Variants in PARN observed in about 807,000 individuals in gnomAD.
The protein encoded by PARN is poly(A)-specific ribonuclease.
In PARN, 71 loss-of-function variants were observed where a neutral mutation model predicts 102.8. The observed-to-expected ratio is 0.69, with a 90% confidence interval of 0.57 to 0.84. The LOEUF is 0.84. Among genes scored for constraint, PARN ranks in the 40% least tolerant of loss-of-function variants. The pLI is 0.00. For missense variants in PARN, 782 were observed against 760.9 expected, an observed-to-expected ratio of 1.03 and a Z score of -0.33; for synonymous variants, 261 against 252.9, an observed-to-expected ratio of 1.03 and a Z score of -0.30.
chr16:14,449,687 A>C (rs1021571088), intron 22 of PARN, among the ~76,000 whole-genome samples: 1 of 152,198 alleles, frequency 6.6e-6, no homozygotes, highest in Admixed American at 6.5e-5. Context: ...AAAACTAAAA[A>C]AGGTATGAAT....
chr16:14,468,878 AATAGATAGATAGATAGATAG>A (rs59011829), intron 22 of PARN, among the ~76,000 whole-genome samples: 40 of 139,618 alleles, frequency 2.9e-4, no homozygotes, highest in Non-Finnish European at 5.5e-4. Context: ...CCCATTACTA[AATAGATAGATAGATAGATAG>A]ATAGATAGAT....
intron 21 of PARN, chr16:14,501,603 T>C (rs115273400): frequency 1.8e-4 from 27 of 151,934 alleles, no homozygotes; most frequent in African/African-American, 6.3e-4. Context: ...TTCGGTAAAG[T>C]AGGTAGAAAC....
intron 18 of PARN, among the ~76,000 whole-genome samples, chr16:14,570,551 G>C (rs1469197197): frequency 6.6e-6 from 1 of 151,118 alleles, no homozygotes; most frequent in African/African-American, 2.4e-5. Flanking sequence ...TCAAGAGGCT[G>C]AGGTAGGAGG....
intron 23 of PARN, among the ~76,000 whole-genome samples, chr16:14,437,988 G>C (rs562133808): frequency 1.3e-5 from 2 of 152,324 alleles, no homozygotes; most frequent in East Asian, 3.9e-4. Context: ...AGGGTGAGGA[G>C]ACCGGGAAAG....
chr16:14,592,588 G>T (rs1970265018), intron 13 of PARN, among the ~76,000 whole-genome samples: 1 of 152,144 alleles, frequency 6.6e-6, no homozygotes, highest in Non-Finnish European at 1.5e-5. Flanking sequence ...ATGCACTACT[G>T]AGGTCAGCAG....
At chr16:14,480,056 G>C (rs1368822667) in intron 22 of PARN, among the ~76,000 whole-genome samples, 2 of 152,132 alleles carry the variant, frequency 1.3e-5, no homozygotes, top group African/African-American at 2.4e-5. Flanking sequence ...TATTTGGCTG[G>C]GTCTGGTGGC....
chr16:14,578,331 CAAAAAA>C (rs1199897215), intron 18 of PARN, among the ~76,000 whole-genome samples: 3 of 44,964 alleles, frequency 6.7e-5, no homozygotes, highest in South Asian at 8.2e-4. Context: ...TCTGTCTCAC[CAAAAAA>C]AAAAAAAAAA....
Position 14,436,752 on chromosome 16 carries a change from G to A in PARN, c.1885C>T (p.Pro629Ser), listed in dbSNP as rs1226742015. ...SPAGSISKNS[P>S]ATLFEVPDTW Reference sequence around the variant, plus strand: ...TCAGGAACTTCAAAGAGTGTGGCAGGGCTGTTCTTCGAGATGCTTCCTGGT... The same window carrying A: ...TCAGGAACTTCAAAGAGTGTGGCAGAGCTGTTCTTCGAGATGCTTCCTGGT... The change falls in exon 24 of 24, where the codon CCT becomes TCT. Residue 629 changes from proline (P) to serine (S), a missense_variant. Coordinates refer to ENST00000437198, the MANE Select transcript of PARN (RefSeq NM_002582.4). 6.3e-7 allele frequency: 1 copy of A among 1,596,936 alleles called. No homozygotes were observed. The highest frequency in any genetic ancestry group is 1.1e-5 in the South Asian group (1 of 87,784).
intron 21 of PARN, among the ~76,000 whole-genome samples, chr16:14,529,098 G>C (rs1271887538): frequency 6.6e-6 from 1 of 152,176 alleles, no homozygotes; most frequent in East Asian, 1.9e-4. Context: ...TTCACCGTGA[G>C]TGCAAAGGTG....
At chr16:14,521,574 G>A (rs543967362) in intron 21 of PARN, among the ~76,000 whole-genome samples, 305 of 152,214 alleles carry the variant, frequency 2.0e-3, no homozygotes, top group Non-Finnish European at 3.7e-3. Context: ...TGCGGCGGGC[G>A]GATCACCTGA....
intron 21 of PARN, among the ~76,000 whole-genome samples, chr16:14,519,132 G>C (rs1194515143): frequency 6.6e-6 from 1 of 151,748 alleles, no homozygotes; most frequent in Non-Finnish European, 1.5e-5. Flanking sequence ...CAGGATTCTT[G>C]CTATGAGAGA....
At chr16:14,439,202 C>T (rs1159919641) in intron 23 of PARN, among the ~76,000 whole-genome samples, 1 of 151,856 alleles carries the variant, frequency 6.6e-6, no homozygotes, top group Non-Finnish European at 1.5e-5. Context: ...GGAGACCCTG[C>T]CTCTACAAAA....
chr16:14,479,704 T>C (rs142457807), intron 22 of PARN, among the ~76,000 whole-genome samples: 13 of 152,190 alleles, frequency 8.5e-5, no homozygotes, highest in Non-Finnish European at 1.5e-4. Flanking sequence ...GAAACAGACC[T>C]AGACATACAC....
At chr16:14,597,082 C>A (rs1333784216) in intron 12 of PARN, among the ~76,000 whole-genome samples, 1 of 152,110 alleles carries the variant, frequency 6.6e-6, no homozygotes, top group Non-Finnish European at 1.5e-5. Context: ...CCACCATGCC[C>A]AGCCCATTTT....
At chr16:14,438,031 C>T (rs1266192525) in intron 23 of PARN, among the ~76,000 whole-genome samples, 2 of 152,156 alleles carry the variant, frequency 1.3e-5, no homozygotes, top group Non-Finnish European at 2.9e-5. Flanking sequence ...TGGGTCTCAT[C>T]GCTCTGAACA....
chr16:14,449,036 G>T (rs1186063839), intron 22 of PARN, among the ~76,000 whole-genome samples: 1 of 152,066 alleles, frequency 6.6e-6, no homozygotes. Flanking sequence ...AGAAAATTCA[G>T]GAAGTACAAG....
chr16:14,554,348 T>C (rs920982431), intron 19 of PARN, among the ~76,000 whole-genome samples, 197 bp from the exon 20 acceptor site: 1 of 152,210 alleles, frequency 6.6e-6, no homozygotes, highest in Admixed American at 6.5e-5. Flanking sequence ...TCTGATACTT[T>C]ACAGAACCCA....
intron 21 of PARN, among the ~76,000 whole-genome samples, chr16:14,503,376 C>T (rs1439678443): frequency 2.0e-5 from 3 of 152,130 alleles, no homozygotes; most frequent in Non-Finnish European, 2.9e-5. Flanking sequence ...ATGAGAAAAG[C>T]GTAATGCAGT....
At chr16:14,444,091 A>C (rs1014276291) in intron 23 of PARN, among the ~76,000 whole-genome samples, 2 of 152,210 alleles carry the variant, frequency 1.3e-5, no homozygotes, top group African/African-American at 4.8e-5. Context: ...GAGCAAGCCA[A>C]ATTGGCTGAT....
Sources: gnomAD v4.1 joint callset for allele counts (sites outside exome capture counted in the v4.1 genomes callset) on GRCh38, gnomAD v4.1.1 for gene constraint, MANE v1.5 for transcripts, NCBI Gene and HGNC (gene_info 2026-07-23, HGNC 2026-07-21) for gene names.